Variants in BEND6 observed in about 807,000 individuals in gnomAD.
The protein encoded by BEND6 is BEN domain containing 6, also known as BEN domain-containing protein 6.
In BEND6, 24 loss-of-function variants were observed where a neutral mutation model predicts 31.8. That is an observed-to-expected ratio of 0.75 (90% CI 0.55 to 1.06). BEND6 has a LOEUF of 1.06. BEND6 is among the 50% of genes least tolerant of loss of function. The probability of loss-of-function intolerance (pLI) is 0.00; values close to 1 mark genes in which losing one functional copy is unlikely to be tolerated. For synonymous variants in BEND6, 109 were observed against 114.6 expected, an observed-to-expected ratio of 0.95 and a Z score of 0.31; for missense variants, 294 against 327.4, an observed-to-expected ratio of 0.90 and a Z score of 0.79.
At chr6:57,010,522 G>A (rs1827308593) in intron 3 of BEND6, 3 of 216,182 alleles carry the variant, frequency 1.4e-5, no homozygotes, top group Non-Finnish European at 2.4e-5. Context: ...ACCTTTTAGA[G>A]ATGCCTACAG....
chr6:57,015,433 G>C, intron 4 of BEND6, 80 bp downstream of exon 4: 1 of 1,240,434 alleles, frequency 8.1e-7, no homozygotes, highest in Non-Finnish European at 1.1e-6. Flanking sequence ...AATGATCATT[G>C]TTTTATCAGA....
intron 1 of BEND6, among the ~76,000 whole-genome samples, chr6:56,968,309 T>A: frequency 7.5e-6 from 1 of 132,528 alleles, no homozygotes; most frequent in Non-Finnish European, 1.6e-5. Context: ...CTTTCTTTCT[T>A]TTCTTTTTTT....
In BEND6 at chr6:56,992,469, G is replaced by A. The variant is rs1826540528; in HGVS notation, c.212G>A (p.Cys71Tyr). ...PLAELSKEEL[C>Y]AKIKSLKEKL... ...GCAGAATTGTCAAAGGAAGAATTGT[G>A]CGCCAAAATAAAAAGCCTGAAAGAA... The change falls in exon 3 of 7, where the codon TGC (cysteine) becomes TAC (tyrosine). Residue 71 changes from cysteine to tyrosine, a missense_variant. Cys to Tyr is a radical substitution (Grantham distance 194, BLOSUM62 -2). Coordinates refer to ENST00000370746, the MANE Select transcript of BEND6 (RefSeq NM_152731.3). 6.2e-7 allele frequency: 1 copy of A among 1,614,132 alleles called. No homozygotes were observed. Among genetic ancestry groups the A allele is most frequent in the Non-Finnish European group, 8.5e-7 (1 of 1,180,016 alleles).
chr6:56,999,607 AAG>A (rs1826850464), intron 3 of BEND6, among the ~76,000 whole-genome samples: 1 of 152,194 alleles, frequency 6.6e-6, no homozygotes, highest in Admixed American at 6.5e-5. Context: ...AGGAGACCTG[AAG>A]GTGGACCTGT....
intron 1 of BEND6, among the ~76,000 whole-genome samples, chr6:56,962,269 C>A (rs1240030145): frequency 6.6e-6 from 1 of 152,180 alleles, no homozygotes; most frequent in Non-Finnish European, 1.5e-5. Context: ...GTTTTAACAG[C>A]ACAAAACAGA....
intron 1 of BEND6, among the ~76,000 whole-genome samples, chr6:56,960,101 T>G (rs999007176): frequency 3.3e-5 from 5 of 152,218 alleles, no homozygotes; most frequent in African/African-American, 1.2e-4. Flanking sequence ...TAGAATTTAT[T>G]TATATAGTTT....
chr6:56,970,248 G>T (rs1825646118), intron 1 of BEND6, among the ~76,000 whole-genome samples: 1 of 151,798 alleles, frequency 6.6e-6, no homozygotes, highest in Non-Finnish European at 1.5e-5. Context: ...AGGCTGGAGT[G>T]CAGTGGCATG....
intron 3 of BEND6, chr6:57,013,680 A>T (rs941901113): frequency 7.9e-5 from 12 of 152,544 alleles, no homozygotes; most frequent in African/African-American, 2.9e-4. Context: ...CTGTCAGTCA[A>T]GAAATTCCAA....
At chr6:56,970,100 A>G (rs1211887475) in intron 1 of BEND6, among the ~76,000 whole-genome samples, 1 of 152,112 alleles carries the variant, frequency 6.6e-6, no homozygotes, top group Non-Finnish European at 1.5e-5. Flanking sequence ...TTTTAGTTGC[A>G]TGTGTGTGTG....
chr6:56,991,264 A>G (rs944940094), intron 2 of BEND6, among the ~76,000 whole-genome samples: 2 of 152,108 alleles, frequency 1.3e-5, no homozygotes, highest in African/African-American at 2.4e-5. Flanking sequence ...TTGTGTGTCA[A>G]TGACATCTGT....
chr6:56,991,384 G>A (rs375225605), intron 2 of BEND6, among the ~76,000 whole-genome samples: 181 of 150,478 alleles, frequency 1.2e-3, no homozygotes, highest in South Asian at 4.6e-3. Flanking sequence ...TAATTTTTAC[G>A]TTGTTTTTGA....
At chr6:56,961,567 C>G (rs1419573547) in intron 1 of BEND6, among the ~76,000 whole-genome samples, 1 of 152,206 alleles carries the variant, frequency 6.6e-6, no homozygotes, top group Admixed American at 6.5e-5. Context: ...TGCCAATTAA[C>G]TACCCAATTT....
chr6:57,015,492 A>G, intron 4 of BEND6, 139 bp downstream of exon 4: 1 of 920,322 alleles, frequency 1.1e-6, no homozygotes, highest in Non-Finnish European at 1.6e-6. Context: ...TACAATTCTT[A>G]AGTACCACAA....
At chr6:56,972,296 C>A (rs1592975359) in intron 1 of BEND6, among the ~76,000 whole-genome samples, 2 of 151,992 alleles carry the variant, frequency 1.3e-5, no homozygotes, top group East Asian at 3.9e-4. Flanking sequence ...AGTTTCCCCA[C>A]TTTGGCCAGG....
At chr6:56,968,375 C>T (rs1180210352) in intron 1 of BEND6, among the ~76,000 whole-genome samples, 1 of 125,932 alleles carries the variant, frequency 7.9e-6, no homozygotes, top group Non-Finnish European at 1.6e-5. Context: ...GGCTGGAGTG[C>T]AGCAACAGGA....
At chr6:56,968,080 G>A (rs1228536364) in intron 1 of BEND6, among the ~76,000 whole-genome samples, 1 of 152,078 alleles carries the variant, frequency 6.6e-6, no homozygotes, top group Non-Finnish European at 1.5e-5. Context: ...ATGTCATATA[G>A]GTCAGTATAG....
intron 1 of BEND6, among the ~76,000 whole-genome samples, chr6:56,974,440 A>C (rs953105242): frequency 9.2e-5 from 14 of 152,352 alleles, no homozygotes; most frequent in African/African-American, 2.9e-4. Context: ...AGTCAACATA[A>C]CATTTTATTA....
chr6:56,961,560 C>A (rs765395019), intron 1 of BEND6, among the ~76,000 whole-genome samples: 1 of 152,118 alleles, frequency 6.6e-6, no homozygotes, highest in Non-Finnish European at 1.5e-5. Flanking sequence ...GCCTTCATGC[C>A]AATTAACTAC....
intron 6 of BEND6, among the ~76,000 whole-genome samples, chr6:57,023,171 T>TAA (rs1827804103): frequency 6.6e-6 from 1 of 152,208 alleles, no homozygotes; most frequent in Non-Finnish European, 1.5e-5. Flanking sequence ...CTCCAGTGTT[T>TAA]CCTTGTCAAT....
Sources: allele counts gnomAD v4.1 joint callset (sites outside exome capture counted in the v4.1 genomes callset), GRCh38; gene constraint gnomAD v4.1.1; transcripts MANE v1.5; gene names NCBI Gene and HGNC (gene_info 2026-07-23, HGNC 2026-07-21).